The following ZNF280D variants were observed in gnomAD, a reference collection of about 807,000 sequenced individuals.
ZNF280D encodes zinc finger protein 280D.
Under a neutral mutation model 94.7 loss-of-function variants are expected in ZNF280D, and 39 were observed. The observed-to-expected ratio is 0.41, with a 90% CI of 0.32 to 0.54. The LOEUF is 0.54. ZNF280D is among the 20% of genes least tolerant of loss of function. The pLI is 0.22. For synonymous variants in ZNF280D, 398 were observed against 377.6 expected (o/e 1.05, Z -0.63); for missense variants, 1,090 against 1,149.3 (o/e 0.95, Z 0.75).
At chr15:56,653,829 C>CA in intron 19 of ZNF280D, 12 of 1,246,436 alleles carry the variant, frequency 9.6e-6, no homozygotes, top group Non-Finnish European at 1.1e-5. Flanking sequence ...TTAGACAGCG[C>CA]AAACTGGAGA....
chr15:56,712,566 C>A (rs1440889736), intron 1 of ZNF280D, among the ~76,000 whole-genome samples: 2 of 129,874 alleles, frequency 1.5e-5, no homozygotes, highest in Non-Finnish European at 3.1e-5. Flanking sequence ...TGCACTCCAG[C>A]CTGGGTGACA....
Position 56,669,985 on chromosome 15 carries a change from TATATATA to T in ZNF280D, c.1411-1035_1411-1029del, listed in dbSNP as rs1566961344. 2.3e-3 allele frequency among the ~76,000 whole-genome samples: 2 copies of T among 864 alleles called. 1 individual carries two copies. The highest frequency in any genetic ancestry group is 4.0e-3 in the Non-Finnish European group (2 of 498). The allele number at this position is 864 out of a possible 152,430, so 0.6% of individuals were successfully genotyped here. On this transcript the variant is annotated intron_variant, in intron 13 of 21. Transcript: ENST00000267807. The stretch of plus-strand genomic sequence containing the variant: ...TATTATATATATATAATATATATAT[TATATATA>T]TATATTATATATATATAATATATAT...
chr15:56,697,343 C>T (rs141130844), intron 6 of ZNF280D, among the ~76,000 whole-genome samples: 1,936 of 152,264 alleles, frequency 0.013, 14 homozygotes, highest in Middle Eastern at 0.031. Flanking sequence ...CACCACCATG[C>T]CCAGCTAACT....
chr15:56,669,914 T>TAATA (rs1491162228), intron 13 of ZNF280D, among the ~76,000 whole-genome samples: 9 of 2,678 alleles, frequency 3.4e-3, no homozygotes, highest in Admixed American at 8.1e-3. Flanking sequence ...TATATATATA[T>TAATA]TATATATATA....
In ZNF280D at chr15:56,700,767, G is replaced by A. The variant is rs544743801; in HGVS notation, c.381+166C>T. The A allele has an allele frequency of 2.1e-5, 32 of 1,511,920 alleles. No individual in the cohort carries two copies. In the African/African-American group the frequency reaches 2.8e-4, roughly 13 times the overall value. The allele number at this position is 1,511,920 out of a possible 1,614,324, so 93.7% of individuals were successfully genotyped here. ...GTTAGCTCCTTCAGTTATTACTTGG[G>A]GTACTGCTTGAGCTAGCGAAAATAT... On this transcript the variant is annotated intron_variant, in intron 6 of 21. Transcript: ENST00000267807.
intron 9 of ZNF280D, among the ~76,000 whole-genome samples, chr15:56,688,610 T>C (rs1295037440): frequency 1.3e-5 from 2 of 152,052 alleles, no homozygotes; most frequent in Admixed American, 6.5e-5. Context: ...TATACCTGAG[T>C]GTTAAAAACT....
chr15:56,652,835 G>A (rs766733643), intron 19 of ZNF280D: 3 of 983,438 alleles, frequency 3.1e-6, no homozygotes, highest in South Asian at 4.7e-5. Flanking sequence ...AATGGGCTTA[G>A]TAACAGCCAA....
In ZNF280D at chr15:56,701,023, T is replaced by C. The variant is rs756006972; in HGVS notation, c.291A>G (p.Thr97=). 1.9e-6 allele frequency: 3 copies of C among 1,613,986 alleles called. No individual in the cohort carries two copies. The highest frequency in any genetic ancestry group is 2.2e-5 in the East Asian group (1 of 44,872). Residue 97 remains threonine (T), a synonymous_variant, in exon 6 of 22, where the codon ACA becomes ACG. Coordinates refer to ENST00000267807, the MANE Select transcript of ZNF280D (RefSeq NM_017661.4). The part of the protein sequence containing the change: ...KPTSQHYTNP[T]SNPVPASPIN... The stretch of plus-strand genomic sequence containing the variant: ...TTGGTGAGGCAGGCACTGGATTTGA[T>C]GTTGGATTCGTGTAGTGTTGACTTG...
At chr15:56,700,249 A>G in intron 6 of ZNF280D, 1 of 853,526 alleles carries the variant, frequency 1.2e-6, no homozygotes, top group Non-Finnish European at 1.4e-6. Flanking sequence ...GCTGGATTGA[A>G]ATCCCAGATC....
chr15:56,695,159 G>C (rs1217078499), intron 6 of ZNF280D, among the ~76,000 whole-genome samples: 1 of 151,882 alleles, frequency 6.6e-6, no homozygotes, highest in African/African-American at 2.4e-5. Flanking sequence ...TGCAACCTCT[G>C]CCTCCTGGGT....
At position 56,701,022 on chromosome 15, in the gene ZNF280D, A is replaced by T; in HGVS notation, c.292T>A (p.Ser98Thr). 6.2e-7 allele frequency: 1 copy of T among 1,613,956 alleles called. No homozygotes were observed. Residue 98 changes from serine (S) to threonine (T), a missense_variant, in exon 6 of 22, where the codon TCA (serine) becomes ACA (threonine). Ser to Thr is a moderately conservative substitution (Grantham distance 58, BLOSUM62 1). Around this residue, in one of 3 missense-constraint regions of ZNF280D, gnomAD observed 386 missense variants for 372.0 expected, o/e 1.04. Transcript: ENST00000267807. Reference protein sequence around the residue: ...PTSQHYTNPTSNPVPASPINF... With the variant: ...PTSQHYTNPTTNPVPASPINF... ...ATTGGTGAGGCAGGCACTGGATTTG[A>T]TGTTGGATTCGTGTAGTGTTGACTT...
intron 14 of ZNF280D, chr15:56,668,258 C>T (rs1216949729): frequency 2.4e-6 from 1 of 414,422 alleles, no homozygotes; most frequent in Non-Finnish European, 4.7e-6. Context: ...ATAAAGAAGT[C>T]AGAGAAAACA....
rs2056284008 is a variant in ZNF280D, at chr15:56,689,430, A to C, written c.540T>G (p.Thr180=). 2 of 1,579,388 alleles carry C rather than the reference A, an allele frequency of 1.3e-6. No individual in the cohort carries two copies. Among genetic ancestry groups the C allele is most frequent in the Non-Finnish European group, 1.7e-6 (2 of 1,164,104 alleles). The stretch of plus-strand genomic sequence containing the variant: ...TTGGATTAACATTATTTACTTCAGA[A>C]GTAGAAGGACGTTTTGATAAAAATG... ...ESSFLSKRPS[T]SEVNNVNPKK... is the part of the protein sequence containing the mutation. Residue 180 remains threonine (T), a synonymous_variant, in exon 8 of 22, where the codon ACT becomes ACG. Transcript: ENST00000267807.
chr15:56,654,781 T>C (rs1251113738), intron 17 of ZNF280D: 1 of 509,732 alleles, frequency 2.0e-6, no homozygotes, highest in Non-Finnish European at 3.8e-6. Flanking sequence ...AGAGTCAGTC[T>C]TGGCTCCACA....
intron 10 of ZNF280D, among the ~76,000 whole-genome samples, chr15:56,681,370 T>C (rs1447769876): frequency 6.6e-6 from 1 of 152,158 alleles, no homozygotes; most frequent in Non-Finnish European, 1.5e-5. Flanking sequence ...CAGATTACCT[T>C]GAAATGCACC....
chr15:56,652,744 G>C, intron 19 of ZNF280D: 1 of 984,946 alleles, frequency 1.0e-6, no homozygotes, highest in African/African-American at 1.7e-5. Flanking sequence ...AAGTAGTATT[G>C]CCAATTCTTT....
At position 56,668,877 on chromosome 15, in the gene ZNF280D, G is replaced by C. The variant is rs375461095; in HGVS notation, c.1491C>G (p.His497Gln). Residue 497 changes from histidine (H) to glutamine (Q), a missense_variant, in exon 14 of 22, where the codon CAC becomes CAG. This residue lies in a region of ZNF280D where 577 missense variants were observed against 568.8 expected (regional missense o/e 1.01). Transcript: ENST00000267807. ...CKEKMDHKTQ[H>Q]HRTFIKPKQL... is the part of the protein sequence containing the mutation. Reference sequence around the variant, plus strand: ...GTTTAGGTTTTATAAATGTTCGATGGTGTTGAGTCTTATGATCCATTTTCT... The same window carrying C: ...GTTTAGGTTTTATAAATGTTCGATGCTGTTGAGTCTTATGATCCATTTTCT... 127 of 1,611,744 alleles carry C rather than the reference G, an allele frequency of 7.9e-5. No individual in the cohort carries two copies. The highest frequency in any genetic ancestry group is 1.0e-4 in the Non-Finnish European group (123 of 1,178,894).
At position 56,679,911 on chromosome 15, in the gene ZNF280D, G is replaced by A. The variant is rs534908889; in HGVS notation, c.1005-1090C>T. 3.1e-4 allele frequency among the ~76,000 whole-genome samples: 47 copies of A among 152,240 alleles called. No individual in the cohort carries two copies. In the South Asian group the frequency reaches 7.9e-3, roughly 26 times the overall value. On this transcript the variant is annotated intron_variant, in intron 10 of 21. Coordinates refer to ENST00000267807, the MANE Select transcript of ZNF280D (RefSeq NM_017661.4). Reference sequence around the variant, plus strand: ...CAAATGCTTACAAAAAATCCTGGTCGTTGTTAAATATTTACGTTTAGAGTA... The same window carrying A: ...CAAATGCTTACAAAAAATCCTGGTCATTGTTAAATATTTACGTTTAGAGTA...
intron 19 of ZNF280D, among the ~76,000 whole-genome samples, chr15:56,650,665 C>T (rs2053156777): frequency 6.6e-6 from 1 of 152,122 alleles, no homozygotes. Flanking sequence ...ACCACAGATT[C>T]TTACACTCTC....
Sources: allele counts gnomAD v4.1 joint callset (sites outside exome capture counted in the v4.1 genomes callset), GRCh38; gene constraint gnomAD v4.1.1; regional missense constraint gnomAD v4.1.1; transcripts MANE v1.5; gene names NCBI Gene and HGNC (gene_info 2026-07-23, HGNC 2026-07-21).